The following PPM1B variants were observed in gnomAD, a reference collection of about 807,000 sequenced individuals.
PPM1B encodes the protein protein phosphatase 1B.
A neutral mutation model predicts 43.0 loss-of-function variants in PPM1B; 22 were observed. The observed-to-expected ratio is 0.51, with a 90% confidence interval of 0.37 to 0.73. PPM1B has a LOEUF of 0.73. PPM1B is among the 30% of genes least tolerant of loss of function. The probability of loss-of-function intolerance (pLI) is 0.00; values close to 1 mark genes in which losing one functional copy is unlikely to be tolerated. For synonymous variants in PPM1B, 217 were observed against 197.9 expected (o/e 1.10, Z -0.81); for missense variants, 632 against 584.2 (o/e 1.08, Z -0.84).
chr2:44,176,864 C>T (rs1000234073), intron 1 of PPM1B, among the ~76,000 whole-genome samples: 3 of 152,068 alleles, frequency 2.0e-5, no homozygotes, highest in Non-Finnish European at 4.4e-5. Context: ...TCATTGCAGC[C>T]GCCACCTCCC....
chr2:44,195,145 G>A (rs748506461), intron 1 of PPM1B, among the ~76,000 whole-genome samples: 6 of 151,060 alleles, frequency 4.0e-5, no homozygotes, highest in Admixed American at 2.6e-4. Flanking sequence ...TGCCCGTCTC[G>A]GCCTCCCAAA....
At chr2:44,228,326 T>C (rs1236116554) in intron 5 of PPM1B, among the ~76,000 whole-genome samples, 2 of 151,634 alleles carry the variant, frequency 1.3e-5, no homozygotes, top group Non-Finnish European at 2.9e-5. Context: ...TAGTTGGGAC[T>C]ATGGGCGTGT....
chr2:44,211,549 C>T (rs1669467373), intron 3 of PPM1B, among the ~76,000 whole-genome samples: 1 of 151,652 alleles, frequency 6.6e-6, no homozygotes, highest in Non-Finnish European at 1.5e-5. Context: ...TTTCAGGTTA[C>T]TTAATTAATA....
At chr2:44,193,575 C>CTTTTTTTTTT in intron 1 of PPM1B, among the ~76,000 whole-genome samples, 1 of 116,724 alleles carries the variant, frequency 8.6e-6, no homozygotes, top group Middle Eastern at 4.6e-3. Context: ...AATTTTTTTT[C>CTTTTTTTTTT]TTTTTTTTTT....
intron 3 of PPM1B, among the ~76,000 whole-genome samples, chr2:44,210,889 G>A (rs1558416881): frequency 6.6e-6 from 1 of 152,132 alleles, no homozygotes; most frequent in Admixed American, 6.6e-5. Context: ...TATAATCCCA[G>A]CACTTTGGGA....
At chr2:44,195,382 A>G (rs935725315) in intron 1 of PPM1B, among the ~76,000 whole-genome samples, 3 of 151,000 alleles carry the variant, frequency 2.0e-5, no homozygotes, top group African/African-American at 7.3e-5. Flanking sequence ...ATTTTTCCCC[A>G]ATTTTTTTTG....
intron 1 of PPM1B, among the ~76,000 whole-genome samples, chr2:44,188,546 G>A (rs1251736234): frequency 6.6e-6 from 1 of 151,780 alleles, no homozygotes; most frequent in African/African-American, 2.4e-5. Flanking sequence ...ACAGGCACGC[G>A]CCAGCATGAC....
At chr2:44,232,486 C>T, downstream of PPM1B, 1 of 1,510,498 alleles carries the variant, frequency 6.6e-7, no homozygotes. Context: ...ATTAGCATTT[C>T]CCATCATTTG....
chr2:44,205,136 C>A (rs1182017481), intron 2 of PPM1B, among the ~76,000 whole-genome samples: 1 of 152,050 alleles, frequency 6.6e-6, no homozygotes. Flanking sequence ...CTTATTAATC[C>A]TCATAGTAAC....
intron 1 of PPM1B, among the ~76,000 whole-genome samples, chr2:44,180,166 A>T (rs998975454): frequency 7.9e-5 from 12 of 152,170 alleles, no homozygotes; most frequent in African/African-American, 1.2e-4. Context: ...AAGGGAAACA[A>T]TCCTTTGTAT....
intron 1 of PPM1B, among the ~76,000 whole-genome samples, chr2:44,187,919 T>G (rs1230465516): frequency 6.6e-6 from 1 of 152,044 alleles, no homozygotes. Context: ...CCCGGCTAAC[T>G]TTTTGTATTT....
Position 44,209,318 on chromosome 2 carries a change from C to T in PPM1B, c.955C>T (p.Arg319Trp), listed in dbSNP as rs757494045. The T allele has an allele frequency of 1.9e-5, 31 of 1,613,436 alleles. No individual in the cohort carries two copies. The highest frequency in any genetic ancestry group is 1.2e-4 in the Admixed American group (7 of 59,944). The change falls in exon 3 of 6, where the codon CGG becomes TGG. Residue 319 changes from arginine to tryptophan, a missense_variant. Transcript: ENST00000282412. ...DSELDKHLESRVEEIMEKSGE... is the reference protein window; with the variant it reads ...DSELDKHLESWVEEIMEKSGE... Reference sequence around the variant, plus strand: ...AGAGTTGGATAAGCACTTGGAATCACGGGTTGAAGGTAAGACAAATGCTTT... The same window carrying T: ...AGAGTTGGATAAGCACTTGGAATCATGGGTTGAAGGTAAGACAAATGCTTT...
intron 1 of PPM1B, among the ~76,000 whole-genome samples, chr2:44,177,167 A>T (rs1178527315): frequency 6.6e-6 from 1 of 152,176 alleles, no homozygotes; most frequent in Non-Finnish European, 1.5e-5. Context: ...GAATATATTA[A>T]ATTTAGTACT....
In PPM1B at chr2:44,230,673, C is replaced by T. The variant is rs1558433367; in HGVS notation, c.1395C>T (p.Ser465=). 1.2e-6 allele frequency: 2 copies of T among 1,613,590 alleles called. No homozygotes were observed. Residue 465 remains serine (S), a synonymous_variant, in exon 6 of 6, where the codon AGC becomes AGT. Transcript: ENST00000282412. ...AAAGTGGTCTTGCTGAATTAGACAG[C>T]TCTAATGAAGATGCAGGGACAAAGA... The part of the protein sequence containing the change: ...ESESGLAELD[S]SNEDAGTKMS...
At chr2:44,179,169 C>A (rs1264643815) in intron 1 of PPM1B, among the ~76,000 whole-genome samples, 1 of 152,152 alleles carries the variant, frequency 6.6e-6, no homozygotes, top group Non-Finnish European at 1.5e-5. Context: ...TTGCCTGCTG[C>A]CATCTATGTA....
chr2:44,199,318 T>TAAAA (rs1287209258), intron 1 of PPM1B, among the ~76,000 whole-genome samples: 13 of 69,126 alleles, frequency 1.9e-4, no homozygotes, highest in African/African-American at 7.5e-4. Flanking sequence ...AAAAAAAAAA[T>TAAAA]AAAAATAAAA....
At chr2:44,224,988 C>T (rs10180187) in intron 5 of PPM1B, among the ~76,000 whole-genome samples, 23,102 of 152,026 alleles carry the variant, frequency 0.15, 2,379 homozygotes, top group Middle Eastern at 0.24. Context: ...TTCAACAGAG[C>T]GCAAAGATAG....
intron 1 of PPM1B, among the ~76,000 whole-genome samples, chr2:44,196,653 G>C (rs879611386): frequency 6.6e-6 from 1 of 152,176 alleles, no homozygotes; most frequent in Non-Finnish European, 1.5e-5. Flanking sequence ...TTAAAGGTTT[G>C]TCTGGTATCC....
At chr2:44,172,959 G>A (rs539076094) in intron 1 of PPM1B, among the ~76,000 whole-genome samples, 2 of 152,186 alleles carry the variant, frequency 1.3e-5, no homozygotes, top group African/African-American at 2.4e-5. Context: ...CATTTGATTT[G>A]AGATGATTGA....
Sources: gnomAD v4.1 joint callset for allele counts (sites outside exome capture counted in the v4.1 genomes callset) on GRCh38, gnomAD v4.1.1 for gene constraint, MANE v1.5 for transcripts, NCBI Gene and HGNC (gene_info 2026-07-23, HGNC 2026-07-21) for gene names.